WDR12: variants seen among roughly 807,000 people sequenced by gnomAD.
The protein encoded by WDR12 is WD repeat domain 12.
In WDR12, 42 loss-of-function variants were observed where a neutral mutation model predicts 64.3. That is an observed-to-expected ratio of 0.65 (90% CI 0.51 to 0.84). The LOEUF is 0.84. WDR12 is among the 40% of genes least tolerant of loss of function. The pLI, the probability that WDR12 is intolerant of heterozygous loss-of-function variation, is 0.00. For synonymous variants in WDR12, 158 were observed against 173.3 expected, an observed-to-expected ratio of 0.91 and a Z score of 0.70; for missense variants, 469 against 494.6, an observed-to-expected ratio of 0.95 and a Z score of 0.49.
chr2:202,906,247 C>G (rs1688454859), intron 2 of WDR12, among the ~76,000 whole-genome samples: 1 of 152,122 alleles, frequency 6.6e-6, no homozygotes, highest in Non-Finnish European at 1.5e-5. Flanking sequence ...ATAAAGGTAA[C>G]TATGCATCAG....
chr2:202,887,894 CA>C (rs778475206), intron 8 of WDR12, among the ~76,000 whole-genome samples: 885 of 60,736 alleles, frequency 0.015, 1 homozygote, highest in Admixed American at 0.02. Flanking sequence ...GACTCCGTCT[CA>C]AAAAAAAAAA....
Position 202,882,730 on chromosome 2 carries a change from A to G in WDR12, c.1175T>C (p.Val392Ala). 6.2e-7 allele frequency: 1 copy of G among 1,614,070 alleles called. No homozygotes were observed. The highest frequency in any genetic ancestry group is 8.5e-7 in the Non-Finnish European group (1 of 1,179,922). The change falls in exon 12 of 13, where the codon GTA (valine) becomes GCA (alanine). Residue 392 changes from valine (V) to alanine (A), a missense_variant. Transcript: ENST00000261015. ...TCTTACCCCTGTGTCTGTCCAGTCT[A>G]CACTCAGAACTTTGTCTTCATGAGC... is the stretch of plus-strand genomic sequence containing the variant. The part of the protein sequence containing the change: ...LAAHEDKVLS[V>A]DWTDTGLLLS...
rs1384232411 is a variant in WDR12, at chr2:202,894,580, C to T, written c.655+1G>A. 6.2e-7 allele frequency: 1 copy of T among 1,601,396 alleles called. No individual in the cohort carries two copies. Among genetic ancestry groups the T allele is most frequent in the African/African-American group, 1.3e-5 (1 of 74,198 alleles). On this transcript the variant is annotated splice_donor_variant, in intron 7 of 12. Coordinates refer to ENST00000261015, the MANE Select transcript of WDR12 (RefSeq NM_018256.4). LOFTEE classifies it high-confidence loss of function. ...CAAGGTAAAATAAATATTTAATTTA[C>T]CTGTAGACCAGATCTTTAGCATCTT...
chr2:202,898,502 T>G (rs1688292429), intron 4 of WDR12, among the ~76,000 whole-genome samples: 1 of 152,054 alleles, frequency 6.6e-6, no homozygotes, highest in African/African-American at 2.4e-5. Context: ...AAACTAAAAG[T>G]AAAACTAGGA....
rs778103238 is a variant in WDR12 at position 202,901,046 on chromosome 2, C to T, written c.210G>A (p.Met70Ile). ...QFLRMPLDKH[M>I]EMENISSEEV... ...TTACTGATGAGATGTTCTCCATTTC[C>T]ATGTGTTTGTCCAAGGGCATTCGCA... Residue 70 changes from methionine (M) to isoleucine (I), a missense_variant, in exon 3 of 13, where the codon ATG becomes ATA. Coordinates refer to ENST00000261015, the MANE Select transcript of WDR12 (RefSeq NM_018256.4). 27 of 1,592,014 alleles carry T rather than the reference C, an allele frequency of 1.7e-5. No individual in the cohort carries two copies. The highest frequency in any genetic ancestry group is 2.3e-5 in the Non-Finnish European group (27 of 1,164,946).
intron 8 of WDR12, among the ~76,000 whole-genome samples, chr2:202,885,930 G>A (rs1688038109): frequency 6.6e-6 from 1 of 151,996 alleles, no homozygotes; most frequent in African/African-American, 2.4e-5. Flanking sequence ...AATGACACAT[G>A]ACTATAGTCA....
At position 202,884,549 on chromosome 2, in the gene WDR12, A is replaced by G. The variant is rs771515673; in HGVS notation, c.742-14T>C. 4 of 1,597,528 alleles carry G rather than the reference A, an allele frequency of 2.5e-6. No homozygotes were observed. Among genetic ancestry groups the G allele is most frequent in the Non-Finnish European group, 3.4e-6 (4 of 1,175,874 alleles). ...CACTATGGGAGTCTAGAAAGGAAGA[A>G]CCCCAAAAGGGGAAAGTGTTTTCAT... On this transcript the variant is annotated splice_polypyrimidine_tract_variant and intron_variant, in intron 8 of 12. Coordinates refer to ENST00000261015, the MANE Select transcript of WDR12 (RefSeq NM_018256.4).
intron 8 of WDR12, among the ~76,000 whole-genome samples, chr2:202,889,946 T>C (rs969696322): frequency 4.6e-5 from 7 of 151,848 alleles, no homozygotes; most frequent in East Asian, 1.9e-4. Context: ...CCTGAGCGTA[T>C]TGGCTCAAGT....
intron 12 of WDR12, 103 bp downstream of exon 12, chr2:202,882,608 G>A (rs567025601): frequency 1.5e-5 from 18 of 1,184,468 alleles, no homozygotes; most frequent in African/African-American, 3.0e-5. Flanking sequence ...GATTACAGGC[G>A]TGAGCCACTG....
chr2:202,882,577 C>T (rs1687974191), intron 12 of WDR12, 134 bp downstream of exon 12: 4 of 770,002 alleles, frequency 5.2e-6, no homozygotes, highest in Non-Finnish European at 8.5e-6. Flanking sequence ...ATCTGCCCAC[C>T]TTGGCCTCCC....
At chr2:202,896,921 A>C (rs1394018914) in intron 5 of WDR12, among the ~76,000 whole-genome samples, 1 of 152,142 alleles carries the variant, frequency 6.6e-6, no homozygotes, top group Non-Finnish European at 1.5e-5. Flanking sequence ...TGGGAAGTGG[A>C]TGTTGCAGTG....
intron 2 of WDR12, among the ~76,000 whole-genome samples, chr2:202,905,824 T>C (rs777308148): frequency 2.6e-5 from 4 of 152,130 alleles, no homozygotes; most frequent in Non-Finnish European, 5.9e-5. Flanking sequence ...AATTAAAACA[T>C]TGAACTCATG....
At chr2:202,898,572 A>G (rs528925776) in intron 4 of WDR12, among the ~76,000 whole-genome samples, 1 of 152,312 alleles carries the variant, frequency 6.6e-6, no homozygotes, top group South Asian at 2.1e-4. Context: ...CTCCTACCAT[A>G]ATCTACTCTT....
chr2:202,898,568 C>A (rs1372552694), intron 4 of WDR12, among the ~76,000 whole-genome samples: 1 of 152,206 alleles, frequency 6.6e-6, no homozygotes, highest in Non-Finnish European at 1.5e-5. Flanking sequence ...GAAGCTCCTA[C>A]CATAATCTAC....
chr2:202,911,351 A>C, intron 1 of WDR12, 85 bp downstream of exon 1: 1 of 1,367,194 alleles, frequency 7.3e-7, no homozygotes, highest in Non-Finnish European at 1.0e-6. Context: ...GACAGCAGAA[A>C]CAACCAGGGA....
At chr2:202,898,064 T>C (rs1468520088) in intron 4 of WDR12, among the ~76,000 whole-genome samples, 1 of 44,866 alleles carries the variant, frequency 2.2e-5, no homozygotes, top group Non-Finnish European at 5.9e-5. Flanking sequence ...ATGTTAATAT[T>C]CCAAAACCAC....
chr2:202,904,389 C>T (rs114395475), intron 2 of WDR12, among the ~76,000 whole-genome samples: 13,513 of 151,392 alleles, frequency 0.089, 740 homozygotes, highest in Non-Finnish European at 0.13. Flanking sequence ...GCCAAAGCTA[C>T]CTTAAGCAAA....
At chr2:202,884,679 G>A (rs1688017381) in intron 8 of WDR12, 144 bp from the exon 9 acceptor site, 2 of 887,326 alleles carry the variant, frequency 2.3e-6, no homozygotes, top group East Asian at 5.4e-5. Flanking sequence ...CCTTTACAAT[G>A]GAATGGATAT....
At chr2:202,908,919 A>C (rs947094812) in intron 1 of WDR12, among the ~76,000 whole-genome samples, 1 of 152,230 alleles carries the variant, frequency 6.6e-6, no homozygotes, top group Non-Finnish European at 1.5e-5. Context: ...ACAAATTTTA[A>C]AATGGCCCAA....
Sources: allele counts gnomAD v4.1 joint callset (sites outside exome capture counted in the v4.1 genomes callset), GRCh38; gene constraint gnomAD v4.1.1; transcripts MANE v1.5; gene names NCBI Gene and HGNC (gene_info 2026-07-23, HGNC 2026-07-21).